RBBP7: variants seen among roughly 807,000 people sequenced by gnomAD.
The protein encoded by RBBP7 is RB binding protein 7, chromatin remodeling factor, also known as histone-binding protein RBBP7.
In RBBP7, 5 loss-of-function variants were observed where a neutral mutation model predicts 35.2. The observed-to-expected ratio is 0.14, with a 90% CI of 0.07 to 0.30. The LOEUF (loss-of-function observed/expected upper bound fraction) is 0.30. RBBP7 is among the 10% of genes least tolerant of loss of function. RBBP7 has a pLI of 1.00. For synonymous variants in RBBP7, 140 were observed against 118.7 expected (o/e 1.18, Z -1.17); for missense variants, 155 against 327.5 (o/e 0.47, Z 4.07).
At position 16,852,135 on chromosome X, in the gene RBBP7, A is replaced by G. The variant is rs188454479; in HGVS notation, c.964-13T>C. On this transcript the variant is annotated splice_polypyrimidine_tract_variant and intron_variant, in intron 8 of 11. Coordinates refer to ENST00000380087, the MANE Select transcript of RBBP7 (RefSeq NM_002893.4). ...GAGACCAGTGGACCTAGTAATAGAT[A>G]ATTTTGAAAATGTATTTAAAGAATC... is the stretch of plus-strand genomic sequence containing the variant. 11 of 1,141,982 alleles carry G rather than the reference A, an allele frequency of 9.6e-6. No homozygotes were observed. Among genetic ancestry groups the G allele is most frequent in the African/African-American group, 3.6e-5 (2 of 55,978 alleles). 94.1% of individuals were successfully genotyped at this position (1,141,982 alleles called of 1,213,427 possible). A position where few individuals can be genotyped will look rare whatever the true frequency, so the allele number is the denominator to read the frequency against.
chrX:16,846,997 G>T (rs923150194), intron 10 of RBBP7: 1 of 110,701 alleles, frequency 9.0e-6, no homozygotes, highest in Admixed American at 9.6e-5. Context: ...GGCGTGGTGG[G>T]GTGTGCCCAT....
chrX:16,867,226 C>T (rs1930646424), intron 2 of RBBP7, among the ~76,000 whole-genome samples: 1 of 111,548 alleles, frequency 9.0e-6, no homozygotes, highest in Non-Finnish European at 1.9e-5. Flanking sequence ...ACCAACATCT[C>T]CATTTACAGC....
At position 16,870,310 on chromosome X, in the gene RBBP7, C is replaced by G; in HGVS notation, c.-257G>C. ...TTGGAACGAGACTTTTCAACCCGCGCCTCCCAGCCCGCCCAGGCAGCTGAG... is the reference window on the plus strand; with the variant it reads ...TTGGAACGAGACTTTTCAACCCGCGGCTCCCAGCCCGCCCAGGCAGCTGAG... On this transcript the variant is annotated 5_prime_UTR_variant, in exon 1 of 12. Transcript: ENST00000380087. 4.3e-6 allele frequency: 1 copy of G among 234,321 alleles called. No individual in the cohort carries two copies. Among genetic ancestry groups the G allele is most frequent in the Non-Finnish European group, 6.7e-6 (1 of 149,875 alleles). The allele number at this position is 234,321 out of a possible 1,213,427, so 19.3% of individuals were successfully genotyped here.
chrX:16,869,192 G>A lies in RBBP7; in HGVS notation c.45C>T (p.Val15=), dbSNP rs1405059667. ...EMFEDTVEER[V]INEEYKIWKK... is the part of the protein sequence containing the mutation. The stretch of plus-strand genomic sequence containing the variant: ...TCCAGATTTTATATTCTTCATTGAT[G>A]ACACGCTCCTCCACAGTATCTTCAA... Residue 15 remains valine (V), a synonymous_variant, in exon 2 of 12, where the codon GTC becomes GTT. Coordinates refer to ENST00000380087, the MANE Select transcript of RBBP7 (RefSeq NM_002893.4). 6 of 1,209,640 alleles carry A rather than the reference G, an allele frequency of 5.0e-6. No individual in the cohort carries two copies. Among genetic ancestry groups the A allele is most frequent in the Non-Finnish European group, 6.7e-6 (6 of 894,296 alleles).
chrX:16,869,988 CCCGCCGCCCCCCGCGGCCCCGGCGCGCG>C, intron 1 of RBBP7, 22 bp downstream of exon 1: 1 of 757,762 alleles, frequency 1.3e-6, no homozygotes, highest in Non-Finnish European at 1.6e-6. Context: ...GCCTCGCGCG[CCCGCCGCCCCCCGCGGCCCCGGCGCGCG>C]CCGCCCCGCA....
intron 3 of RBBP7, among the ~76,000 whole-genome samples, chrX:16,860,597 C>A (rs1930449311): frequency 9.3e-6 from 1 of 107,065 alleles, no homozygotes; most frequent in Non-Finnish European, 1.9e-5. Context: ...TCGCTTGAAC[C>A]CAGGAGGCAG....
rs748705145 is a variant in RBBP7 at position 16,850,275 on chromosome X, G to A, written c.1041-974C>T. Among the ~76,000 whole-genome samples the A allele has an allele frequency of 3.5e-5, 4 of 112,798 alleles. No individual in the cohort carries two copies. In the South Asian group the frequency reaches 1.1e-3, roughly 31 times the overall value. On this transcript the variant is annotated intron_variant, in intron 9 of 11. Coordinates refer to ENST00000380087, the MANE Select transcript of RBBP7 (RefSeq NM_002893.4). The stretch of plus-strand genomic sequence containing the variant: ...TGGTCTCGAACTCCTGGGTTCAAGC[G>A]ATCCTCCTGCTTCAGCCTCACAAAG...
chrX:16,869,934 C>T, intron 1 of RBBP7, 104 bp downstream of exon 1: 1 of 755,159 alleles, frequency 1.3e-6, no homozygotes, highest in Non-Finnish European at 1.6e-6. Context: ...GCCCCGCCCC[C>T]TGCTCCGCAC....
chrX:16,854,625 A>C (rs1930300999), intron 5 of RBBP7, among the ~76,000 whole-genome samples: 1 of 110,917 alleles, frequency 9.0e-6, no homozygotes, highest in South Asian at 3.9e-4. Flanking sequence ...AAACCACCAC[A>C]GACATCAGGA....
chrX:16,868,934 G>GT, intron 2 of RBBP7, 142 bp downstream of exon 2: 2 of 585,623 alleles, frequency 3.4e-6, no homozygotes, highest in Non-Finnish European at 5.2e-6. Flanking sequence ...CACAAATCAC[G>GT]TAAGTTTTGA....
Position 16,870,307 on chromosome X carries a change from G to A in RBBP7, c.-254C>T. ...AACTTGGAACGAGACTTTTCAACCC[G>A]CGCCTCCCAGCCCGCCCAGGCAGCT... is the stretch of plus-strand genomic sequence containing the variant. On this transcript the variant is annotated 5_prime_UTR_variant, in exon 1 of 12. Transcript: ENST00000380087. 1 of 242,679 alleles carries A rather than the reference G, an allele frequency of 4.1e-6. No homozygotes were observed. The highest frequency in any genetic ancestry group is 1.1e-4 in the East Asian group (1 of 9,409). The allele number at this position is 242,679 out of a possible 1,213,427, so 20.0% of individuals were successfully genotyped here.
chrX:16,868,372 T>C (rs1019252367), intron 2 of RBBP7, among the ~76,000 whole-genome samples: 1 of 112,196 alleles, frequency 8.9e-6, no homozygotes, highest in African/African-American at 3.2e-5. Context: ...AAACTCTCAC[T>C]CCCAGTTTCC....
intron 10 of RBBP7, chrX:16,847,181 T>C (rs1378060248): frequency 1.9e-5 from 2 of 104,618 alleles, no homozygotes; most frequent in Non-Finnish European, 3.9e-5. Flanking sequence ...GGTACACAAG[T>C]GAATATACTG....
rs747480486 is a variant in RBBP7 at position 16,852,811 on chromosome X, C to T, written c.823G>A (p.Val275Ile). 4 of 1,210,572 alleles carry T rather than the reference C, an allele frequency of 3.3e-6. No individual in the cohort carries two copies. In the African/African-American group the frequency reaches 7.0e-5, roughly 21 times the overall value. ...TAGGGATTGAATGAGAGGCAGTTGACTTCGGCAGTGTGCGCATCCACCAAG... is the reference window on the plus strand; with the variant it reads ...TAGGGATTGAATGAGAGGCAGTTGATTTCGGCAGTGTGCGCATCCACCAAG... ...SHLVDAHTAE[V>I]NCLSFNPYSE... Residue 275 changes from valine to isoleucine, a missense_variant, in exon 7 of 12, where the codon GTC becomes ATC. This residue lies in a region of RBBP7 where 79 missense variants were observed against 220.8 expected (regional missense o/e 0.36). Coordinates refer to ENST00000380087, the MANE Select transcript of RBBP7 (RefSeq NM_002893.4).
At chrX:16,864,388 G>A (rs1000639122) in intron 2 of RBBP7, among the ~76,000 whole-genome samples, 1 of 109,601 alleles carries the variant, frequency 9.1e-6, no homozygotes, top group Non-Finnish European at 1.9e-5. Context: ...GCATGGTGGC[G>A]CATGCCTGTA....
At position 16,870,089 on chromosome X, in the gene RBBP7, G is replaced by A. The variant is rs748299210; in HGVS notation, c.-36C>T. 1.3e-5 allele frequency: 14 copies of A among 1,072,543 alleles called. No homozygotes were observed. Among genetic ancestry groups the A allele is most frequent in the Non-Finnish European group, 1.7e-5 (14 of 817,572 alleles). 88.4% of individuals were successfully genotyped at this position (1,072,543 alleles called of 1,213,427 possible). ...GTCGTTCGCCCCTCGCCGCCGCCTC[G>A]GACTCCTCTCGTTAGCCAAGAGCAG... On this transcript the variant is annotated 5_prime_UTR_variant, in exon 1 of 12. Coordinates refer to ENST00000380087, the MANE Select transcript of RBBP7 (RefSeq NM_002893.4).
chrX:16,848,018 C>A (rs1234811178), intron 10 of RBBP7: 1 of 112,044 alleles, frequency 8.9e-6, no homozygotes, highest in East Asian at 2.8e-4. Context: ...TAGCTGGAGA[C>A]CTTGAAAACA....
In RBBP7 at chrX:16,856,513, G is replaced by A. The variant is rs184597867; in HGVS notation, c.597+1081C>T. On this transcript the variant is annotated intron_variant, in intron 5 of 11. Transcript: ENST00000380087. Reference sequence around the variant, plus strand: ...CCACTATACTCCAGCCTGGGTGACAGAGACAGACTCCGTCTCAAAAAACAA... The same window carrying A: ...CCACTATACTCCAGCCTGGGTGACAAAGACAGACTCCGTCTCAAAAAACAA... Among the ~76,000 whole-genome samples, 11 of 108,812 alleles carry A rather than the reference G, an allele frequency of 1.0e-4. No homozygotes were observed. The East Asian group carries it at 3.2e-3, about 32-fold the overall frequency. 94.5% of individuals were successfully genotyped at this position (108,812 alleles called of 115,157 possible).
intron 11 of RBBP7, 25 bp from the exon 12 acceptor site, chrX:16,845,128 AGGTAAAAACTCCCTATGGTTTTCACAT>A (rs1930040009): frequency 9.2e-7 from 1 of 1,082,251 alleles, no homozygotes. Context: ...ATAAATTCAC[AGGTAAAAACTCCCTATGGTTTTCACAT>A]GGTCATGTAA....
Sources: gnomAD v4.1 joint callset for allele counts (sites outside exome capture counted in the v4.1 genomes callset) on GRCh38, gnomAD v4.1.1 for gene constraint, gnomAD v4.1.1 regional missense constraint, MANE v1.5 for transcripts, NCBI Gene and HGNC (gene_info 2026-07-23, HGNC 2026-07-21) for gene names.